LPP: variants seen among roughly 807,000 people sequenced by gnomAD.
The protein encoded by LPP is lipoma-preferred partner.
A neutral mutation model predicts 60.4 loss-of-function variants in LPP; 38 were observed. The ratio of observed to expected loss-of-function variants is 0.63; its 90% CI spans 0.49 to 0.83. The LOEUF is 0.83. LPP is among the 40% of genes least tolerant of loss of function. LPP has a pLI of 0.00. For synonymous variants in LPP, 328 were observed against 290.8 expected, an observed-to-expected ratio of 1.13 and a Z score of -1.30; for missense variants, 902 against 783.6, an observed-to-expected ratio of 1.15 and a Z score of -1.80.
intron 11 of LPP, among the ~76,000 whole-genome samples, 198 bp downstream of exon 11, chr3:188,872,961 T>C (rs1436870166): frequency 6.6e-6 from 1 of 152,220 alleles, no homozygotes; most frequent in Non-Finnish European, 1.5e-5. Context: ...CTCAGTCTGC[T>C]TGCTCACCGG....
At chr3:188,803,627 T>G (rs934245795) in intron 9 of LPP, among the ~76,000 whole-genome samples, 1 of 152,206 alleles carries the variant, frequency 6.6e-6, no homozygotes, top group African/African-American at 2.4e-5. Flanking sequence ...AAACCATAGA[T>G]GGGTCTATTT....
chr3:188,193,380 C>A (rs893050625), intron 1 of LPP, among the ~76,000 whole-genome samples: 3 of 152,146 alleles, frequency 2.0e-5, no homozygotes, highest in Admixed American at 1.3e-4. Context: ...GTGTCTGTGT[C>A]TCGGTTTCCT....
At chr3:188,592,209 T>C (rs566638402) in intron 6 of LPP, among the ~76,000 whole-genome samples, 6 of 152,298 alleles carry the variant, frequency 3.9e-5, no homozygotes, top group Non-Finnish European at 8.8e-5. Context: ...ACTGCTTGGT[T>C]ATCACACTAT....
intron 4 of LPP, among the ~76,000 whole-genome samples, chr3:188,476,332 T>G (rs150155827): frequency 6.6e-6 from 1 of 152,286 alleles, no homozygotes; most frequent in African/African-American, 2.4e-5. Flanking sequence ...CCACACAATT[T>G]CCCACTGTAT....
At chr3:188,619,152 G>A (rs1259140090) in intron 7 of LPP, among the ~76,000 whole-genome samples, 1 of 152,130 alleles carries the variant, frequency 6.6e-6, no homozygotes, top group Non-Finnish European at 1.5e-5. Flanking sequence ...AGCCTCCCAA[G>A]TAGCTGGGAT....
intron 6 of LPP, among the ~76,000 whole-genome samples, chr3:188,608,700 G>T (rs79745333): frequency 0.06 from 9,056 of 152,178 alleles, 313 homozygotes; most frequent in African/African-American, 0.09. Flanking sequence ...TTCTATGTAT[G>T]TAAAACTTCA....
chr3:188,757,366 C>T (rs973324702), intron 8 of LPP, among the ~76,000 whole-genome samples: 6 of 152,162 alleles, frequency 3.9e-5, no homozygotes, highest in Non-Finnish European at 7.3e-5. Context: ...TTGCTCTGGC[C>T]GTTCCCTCTA....
At chr3:188,503,888 A>G (rs1236555889) in intron 5 of LPP, among the ~76,000 whole-genome samples, 3 of 152,300 alleles carry the variant, frequency 2.0e-5, no homozygotes, top group South Asian at 4.1e-4. Flanking sequence ...GTCTTTTGAC[A>G]GTTTAATTAG....
intron 2 of LPP, among the ~76,000 whole-genome samples, chr3:188,289,456 C>T (rs1367041259): frequency 6.6e-6 from 1 of 152,146 alleles, no homozygotes; most frequent in African/African-American, 2.4e-5. Flanking sequence ...GTGATGTTCA[C>T]TCTTGTATTT....
intron 9 of LPP, among the ~76,000 whole-genome samples, chr3:188,856,947 T>C (rs1023622567): frequency 6.6e-6 from 1 of 152,162 alleles, no homozygotes; most frequent in African/African-American, 2.4e-5. Flanking sequence ...AATTTTTCAT[T>C]GGCTATGTAA....
chr3:188,816,198 CTTTTTTT>C (rs34839724), intron 9 of LPP, among the ~76,000 whole-genome samples: 2 of 103,950 alleles, frequency 1.9e-5, no homozygotes, highest in Non-Finnish European at 3.8e-5. Context: ...GCTTCCTTCT[CTTTTTTT>C]TTTTTTTTTT....
At chr3:188,259,275 G>C (rs919032497) in intron 2 of LPP, among the ~76,000 whole-genome samples, 3 of 152,124 alleles carry the variant, frequency 2.0e-5, no homozygotes, top group Admixed American at 2.0e-4. Context: ...CCTTGCTTCT[G>C]TGGAAATACA....
At chr3:188,407,136 G>C (rs1783694169) in intron 4 of LPP, among the ~76,000 whole-genome samples, 1 of 151,466 alleles carries the variant, frequency 6.6e-6, no homozygotes, top group Admixed American at 6.6e-5. Flanking sequence ...AGAAGAGGCA[G>C]TGAAAGGAGA....
In LPP at chr3:188,708,251, G is replaced by C; in HGVS notation, c.1114-16G>C. ...CTAGGTGGCAATTAAAGGACTGTGTGCTTTCTGCCTTTCAGGGTGGCCATT... is the reference window on the plus strand; with the variant it reads ...CTAGGTGGCAATTAAAGGACTGTGTCCTTTCTGCCTTTCAGGGTGGCCATT... On this transcript the variant is annotated splice_polypyrimidine_tract_variant and intron_variant, in intron 7 of 11. Coordinates refer to ENST00000617246, the MANE Select transcript of LPP (RefSeq NM_001375462.1). 1 of 1,613,774 alleles carries C rather than the reference G, an allele frequency of 6.2e-7. No individual in the cohort carries two copies. The highest frequency in any genetic ancestry group is 1.3e-5 in the African/African-American group (1 of 75,056).
intron 1 of LPP, among the ~76,000 whole-genome samples, chr3:188,190,178 TC>T (rs1331129284): frequency 6.6e-6 from 1 of 151,378 alleles, no homozygotes; most frequent in Non-Finnish European, 1.5e-5. Context: ...TGCCTCAGCA[TC>T]CCGAGTAGCT....
At chr3:188,607,168 A>G (rs1184724061) in intron 6 of LPP, among the ~76,000 whole-genome samples, 1 of 138,772 alleles carries the variant, frequency 7.2e-6, no homozygotes, top group Non-Finnish European at 1.6e-5. Flanking sequence ...CACACACACT[A>G]TTTAAACATC....
rs1037222534 is a variant in LPP at position 188,878,907 on chromosome 3, A to C, written c.*4428A>C. The stretch of plus-strand genomic sequence containing the variant: ...TAAAACATTTTTATGCCAGAAGGTG[A>C]TATAATGGATGTTAGTGTTTTTTAT... On this transcript the variant is annotated 3_prime_UTR_variant, in exon 12 of 12. Coordinates refer to ENST00000617246, the MANE Select transcript of LPP (RefSeq NM_001375462.1). The C allele has an allele frequency of 8.9e-6, 2 of 224,196 alleles. No individual in the cohort carries two copies. The highest frequency in any genetic ancestry group is 2.2e-5 in the African/African-American group (1 of 44,840). The allele number at this position is 224,196 out of a possible 1,614,324, so 13.9% of individuals were successfully genotyped here.
chr3:188,579,834 A>T (rs1171780001), intron 6 of LPP, among the ~76,000 whole-genome samples: 3 of 121,264 alleles, frequency 2.5e-5, no homozygotes, highest in African/African-American at 9.5e-5. Context: ...GCCAGGCATG[A>T]TGGCATGCAC....
chr3:188,887,688 C>G lies in LPP; in HGVS notation c.*13209C>G, dbSNP rs1012170673. Reference sequence around the variant, plus strand: ...CAGCAAATTGAAACTAACATGGGACCATGCCATCCTTCTAGCATAATGGAG... The same window carrying G: ...CAGCAAATTGAAACTAACATGGGACGATGCCATCCTTCTAGCATAATGGAG... On this transcript the variant is annotated 3_prime_UTR_variant, in exon 12 of 12. Transcript: ENST00000617246. 1.4e-5 allele frequency: 3 copies of G among 213,226 alleles called. No individual in the cohort carries two copies. Among genetic ancestry groups the G allele is most frequent in the Non-Finnish European group, 2.8e-5 (3 of 105,340 alleles). 13.2% of individuals were successfully genotyped at this position (213,226 alleles called of 1,614,324 possible). A position where few individuals can be genotyped will look rare whatever the true frequency, so the allele number is the denominator to read the frequency against.
Sources: gnomAD v4.1 joint callset for allele counts (sites outside exome capture counted in the v4.1 genomes callset) on GRCh38, gnomAD v4.1.1 for gene constraint, MANE v1.5 for transcripts, NCBI Gene and HGNC (gene_info 2026-07-23, HGNC 2026-07-21) for gene names.